The following TRDN variants were observed in gnomAD, a reference collection of about 807,000 sequenced individuals.
The protein encoded by TRDN is triadin.
A neutral mutation model predicts 149.7 loss-of-function variants in TRDN; 161 were observed. The observed-to-expected ratio is 1.08, with a 90% CI of 0.95 to 1.23. The LOEUF is 1.23. TRDN is among the 50% of genes most tolerant of loss of function. The pLI is 0.00. For synonymous variants in TRDN, 294 were observed against 250.5 expected, an observed-to-expected ratio of 1.17 and a Z score of -1.64; for missense variants, 896 against 823.5, an observed-to-expected ratio of 1.09 and a Z score of -1.08.
intron 33 of TRDN, 64 bp from the exon 34 acceptor site, chr6:123,260,702 G>GT (rs1157719540): frequency 2.4e-6 from 3 of 1,273,664 alleles, no homozygotes; most frequent in East Asian, 2.8e-5. Flanking sequence ...AAAAAGTATA[G>GT]TTTTTTATTC....
chr6:123,635,766 T>C (rs1786279029), intron 1 of TRDN, among the ~76,000 whole-genome samples: 1 of 151,954 alleles, frequency 6.6e-6, no homozygotes, highest in African/African-American at 2.4e-5. Flanking sequence ...GCACCACCTG[T>C]CTGATTTTCT....
At chr6:123,257,869 C>A (rs1051192188) in intron 35 of TRDN, among the ~76,000 whole-genome samples, 1 of 151,972 alleles carries the variant, frequency 6.6e-6, no homozygotes, top group African/African-American at 2.4e-5. Flanking sequence ...AAGTTGTATT[C>A]CTAGGTATTT....
chr6:123,316,573 G>A lies in TRDN; in HGVS notation c.1472-78C>T, dbSNP rs983636829. ...ATTTGAAAAATAGTCAGTACAAAGT[G>A]GATTAATAGGTAGGCTTCACTGATT... On this transcript the variant is annotated intron_variant, in intron 23 of 40. Coordinates refer to ENST00000334268, the MANE Select transcript of TRDN (RefSeq NM_006073.4). The A allele has an allele frequency of 9.0e-6, 11 of 1,219,030 alleles. No homozygotes were observed. The African/African-American group carries it at 1.5e-4, about 17-fold the overall frequency. The allele number at this position is 1,219,030 out of a possible 1,614,324, so 75.5% of individuals were successfully genotyped here. A position where few individuals can be genotyped will look rare whatever the true frequency, so the allele number is the denominator to read the frequency against.
intron 12 of TRDN, among the ~76,000 whole-genome samples, chr6:123,404,354 T>C (rs1243919292): frequency 6.6e-6 from 1 of 152,240 alleles, no homozygotes; most frequent in African/African-American, 2.4e-5. Flanking sequence ...GTATTTGAGA[T>C]GTAATATCAC....
intron 10 of TRDN, among the ~76,000 whole-genome samples, chr6:123,444,644 A>G (rs1775190867): frequency 6.6e-6 from 1 of 151,222 alleles, no homozygotes; most frequent in African/African-American, 2.4e-5. Context: ...TCAGTATGAT[A>G]TTGGCTGTGG....
At chr6:123,314,926 G>T (rs1778970126) in intron 24 of TRDN, among the ~76,000 whole-genome samples, 1 of 151,766 alleles carries the variant, frequency 6.6e-6, no homozygotes, top group African/African-American at 2.4e-5. Context: ...GAAATAATTG[G>T]TACAACAAAC....
intron 12 of TRDN, among the ~76,000 whole-genome samples, chr6:123,416,795 G>A (rs959655684): frequency 2.0e-5 from 3 of 151,096 alleles, no homozygotes; most frequent in Admixed American, 1.3e-4. Context: ...TCCGTCTCCC[G>A]GGTCCAAGCG....
chr6:123,293,284 G>A lies in TRDN; in HGVS notation c.1511-14202C>T, dbSNP rs181705464. Among the ~76,000 whole-genome samples, 67 of 152,086 alleles carry A rather than the reference G, an allele frequency of 4.4e-4. 1 individual carries two copies. The highest frequency in any genetic ancestry group is 3.3e-3 in the East Asian group (17 of 5,158). On this transcript the variant is annotated intron_variant, in intron 24 of 40. Transcript: ENST00000334268. ...GTAAATAGAACTCTCCCCACTTAAC[G>A]GATTATACCTGAATCCTCCTGCCAC...
At chr6:123,418,690 A>C (rs1424840136) in intron 12 of TRDN, 1 of 151,950 alleles carries the variant, frequency 6.6e-6, no homozygotes, top group Non-Finnish European at 1.5e-5. Context: ...CCCAACCCCA[A>C]CATAAAGCCA....
chr6:123,245,944 C>T lies in TRDN; in HGVS notation c.1975+6468G>A, dbSNP rs142248974. ...CAGGATTAAGAAACTCCCTCAAAAC[C>T]GCAAAACTACATGGAAACTGAACAA... On this transcript the variant is annotated intron_variant, in intron 38 of 40. Coordinates refer to ENST00000334268, the MANE Select transcript of TRDN (RefSeq NM_006073.4). Among the ~76,000 whole-genome samples, 488 of 152,190 alleles carry T rather than the reference C, an allele frequency of 3.2e-3. 2 individuals are homozygous for T. The highest frequency in any genetic ancestry group is 0.01 in the African/African-American group (419 of 41,538).
intron 10 of TRDN, chr6:123,457,704 C>T (rs1322416106): frequency 3.3e-6 from 1 of 306,108 alleles, no homozygotes; most frequent in African/African-American, 2.2e-5. Context: ...TGAAAGATAC[C>T]TATGTTACCT....
chr6:123,512,285 A>G lies in TRDN; in HGVS notation c.610+18T>C. 1 of 1,348,484 alleles carries G rather than the reference A, an allele frequency of 7.4e-7. No individual in the cohort carries two copies. The highest frequency in any genetic ancestry group is 1.0e-6 in the Non-Finnish European group (1 of 972,956). The allele number at this position is 1,348,484 out of a possible 1,614,324, so 83.5% of individuals were successfully genotyped here. A position where few individuals can be genotyped will look rare whatever the true frequency, so the allele number is the denominator to read the frequency against. ...GTAAAAAGAATTTAGTTATGGAAATAATAAATTGAAAAGTTACCTTTCGCC... is the reference window on the plus strand; with the variant it reads ...GTAAAAAGAATTTAGTTATGGAAATGATAAATTGAAAAGTTACCTTTCGCC... On this transcript the variant is annotated intron_variant, in intron 7 of 40. Transcript: ENST00000334268.
At chr6:123,220,321 C>T (rs1775100867) in intron 40 of TRDN, among the ~76,000 whole-genome samples, 1 of 151,758 alleles carries the variant, frequency 6.6e-6, no homozygotes, top group African/African-American at 2.4e-5. Flanking sequence ...GGTATTGATA[C>T]AATTCACCTG....
chr6:123,545,041 T>C (rs1781045034), intron 4 of TRDN, among the ~76,000 whole-genome samples: 1 of 151,890 alleles, frequency 6.6e-6, no homozygotes, highest in South Asian at 2.1e-4. Flanking sequence ...TAAAACTAAG[T>C]GTATTCAAAT....
chr6:123,286,612 C>T (rs575041711), intron 24 of TRDN, among the ~76,000 whole-genome samples: 1 of 152,038 alleles, frequency 6.6e-6, no homozygotes, highest in East Asian at 1.9e-4. Context: ...CAAAATCTCA[C>T]AAATCACAAC....
intron 9 of TRDN, among the ~76,000 whole-genome samples, chr6:123,486,525 TTC>T (rs1274253078): frequency 6.6e-6 from 1 of 152,040 alleles, no homozygotes; most frequent in Non-Finnish European, 1.5e-5. Context: ...TGGCATAATG[TTC>T]TGTCTCACAG....
intron 12 of TRDN, among the ~76,000 whole-genome samples, chr6:123,420,629 C>A (rs1773857699): frequency 6.6e-6 from 1 of 152,086 alleles, no homozygotes; most frequent in South Asian, 2.1e-4. Context: ...AGATGGGAGG[C>A]AAATCCTTTT....
chr6:123,529,389 G>A (rs892188051), intron 5 of TRDN: 1 of 1,528,650 alleles, frequency 6.5e-7, no homozygotes. Flanking sequence ...TCAACTGAGT[G>A]AGCTTCAATG....
intron 12 of TRDN, among the ~76,000 whole-genome samples, chr6:123,414,420 G>A (rs1470215706): frequency 6.6e-6 from 1 of 152,058 alleles, no homozygotes; most frequent in East Asian, 1.9e-4. Context: ...GCTTGAGGGA[G>A]GCTGTCCATG....
Sources: gnomAD v4.1 joint callset for allele counts (sites outside exome capture counted in the v4.1 genomes callset) on GRCh38, gnomAD v4.1.1 for gene constraint, MANE v1.5 for transcripts, NCBI Gene and HGNC (gene_info 2026-07-23, HGNC 2026-07-21) for gene names.